The following THRB variants were observed in gnomAD, a reference collection of about 807,000 sequenced individuals.
THRB encodes the protein thyroid hormone receptor beta.
A neutral mutation model predicts 47.8 loss-of-function variants in THRB; 12 were observed. The observed-to-expected ratio is 0.25, with a 90% CI of 0.16 to 0.41. The LOEUF is 0.41. Ranked by LOEUF, THRB falls within the 10% of genes least tolerant of loss-of-function variation. THRB has a pLI of 1.00. For missense variants in THRB, 348 were observed against 589.2 expected (o/e 0.59, Z 4.24); for synonymous variants, 218 against 212.2 (o/e 1.03, Z -0.24).
In THRB at chr3:24,122,283, G is replaced by A. The variant is rs1216280844; in HGVS notation, c.*601C>T. 4 of 158,878 alleles carry A rather than the reference G, an allele frequency of 2.5e-5. No homozygotes were observed. The highest frequency in any genetic ancestry group is 5.6e-5 in the Non-Finnish European group (4 of 71,478). 9.8% of individuals were successfully genotyped at this position (158,878 alleles called of 1,614,324 possible). ...TGTATAACTTGAATTAAACCATAAC[G>A]TTATAAAAATGATATTGGAAGGGCA... is the stretch of plus-strand genomic sequence containing the variant. On this transcript the variant is annotated 3_prime_UTR_variant, in exon 11 of 11. Coordinates refer to ENST00000646209, the MANE Select transcript of THRB (RefSeq NM_001354712.2).
At chr3:24,257,828 G>A (rs2051463245) in intron 3 of THRB, among the ~76,000 whole-genome samples, 1 of 152,250 alleles carries the variant, frequency 6.6e-6, no homozygotes, top group Admixed American at 6.5e-5. Context: ...TGCAGTCACT[G>A]TGAGGCCTTG....
intron 1 of THRB, among the ~76,000 whole-genome samples, chr3:24,440,552 T>G (rs2071427989): frequency 6.6e-6 from 1 of 152,210 alleles, no homozygotes. Flanking sequence ...TGTAGTCACA[T>G]GCATTTATTA....
chr3:24,206,078 A>G (rs59471050), intron 4 of THRB, among the ~76,000 whole-genome samples: 4,662 of 152,296 alleles, frequency 0.031, 218 homozygotes, highest in African/African-American at 0.1. Flanking sequence ...CACCGTCAAC[A>G]TTAGACAGAT....
chr3:24,312,420 T>G (rs1467347477), intron 2 of THRB, among the ~76,000 whole-genome samples: 1 of 152,186 alleles, frequency 6.6e-6, no homozygotes, highest in Middle Eastern at 3.2e-3. Context: ...AGGTGGGAAT[T>G]TATGAAGTAT....
At chr3:24,423,432 T>G (rs1360531588) in intron 1 of THRB, among the ~76,000 whole-genome samples, 2 of 151,796 alleles carry the variant, frequency 1.3e-5, no homozygotes, top group Non-Finnish European at 2.9e-5. Context: ...TTTTTTTTTT[T>G]TAAAGTGGAA....
intron 2 of THRB, among the ~76,000 whole-genome samples, chr3:24,301,422 T>C (rs1343987538): frequency 6.6e-6 from 1 of 152,238 alleles, no homozygotes; most frequent in African/African-American, 2.4e-5. Context: ...TTTCCCCATT[T>C]TCCCTACTGA....
At chr3:24,447,594 C>A (rs569410398) in intron 1 of THRB, among the ~76,000 whole-genome samples, 2 of 152,202 alleles carry the variant, frequency 1.3e-5, no homozygotes, top group South Asian at 2.1e-4. Context: ...TCAGGGGCAC[C>A]ATGACCCTCT....
chr3:24,365,192 T>C (rs1345662865), intron 1 of THRB, among the ~76,000 whole-genome samples: 1 of 152,182 alleles, frequency 6.6e-6, no homozygotes, highest in Admixed American at 6.6e-5. Context: ...TCACCAACAG[T>C]TACTTGAAAG....
chr3:24,165,197 T>C (rs769591086), intron 5 of THRB: 43 of 765,000 alleles, frequency 5.6e-5, no homozygotes, highest in Admixed American at 6.8e-5. Context: ...TGCCCAGGCC[T>C]GTTCCATATA....
intron 2 of THRB, among the ~76,000 whole-genome samples, chr3:24,330,505 T>C (rs940503406): frequency 6.6e-6 from 1 of 152,148 alleles, no homozygotes; most frequent in Admixed American, 6.5e-5. Flanking sequence ...CTAAAAGAAA[T>C]AAAACAGCAA....
intron 3 of THRB, among the ~76,000 whole-genome samples, chr3:24,244,978 A>G (rs909663038): frequency 1.1e-4 from 16 of 152,172 alleles, no homozygotes; most frequent in South Asian, 4.1e-4. Flanking sequence ...AAATCTTGAC[A>G]TATGCCCATC....
intron 2 of THRB, among the ~76,000 whole-genome samples, chr3:24,305,963 T>A (rs574328797): frequency 6.6e-6 from 1 of 152,176 alleles, no homozygotes; most frequent in Non-Finnish European, 1.5e-5. Context: ...CCTCCCCCAA[T>A]GGGCTTCTAA....
intron 1 of THRB, among the ~76,000 whole-genome samples, chr3:24,426,694 A>G (rs2069800870): frequency 6.6e-6 from 1 of 151,950 alleles, no homozygotes; most frequent in Non-Finnish European, 1.5e-5. Flanking sequence ...TCTCTGATTC[A>G]TGCTCTGTAC....
chr3:24,401,600 C>T (rs1018307739), intron 1 of THRB, among the ~76,000 whole-genome samples: 3 of 152,022 alleles, frequency 2.0e-5, no homozygotes, highest in Non-Finnish European at 4.4e-5. Context: ...TGCCTAGCCT[C>T]CTAATGAGGA....
At position 24,352,040 on chromosome 3, in the gene THRB, T is replaced by C. The variant is rs114077898; in HGVS notation, c.-260-14669A>G. Among the ~76,000 whole-genome samples the C allele has an allele frequency of 2.3e-3, 348 of 152,292 alleles. 4 individuals carry two copies. Among genetic ancestry groups the C allele is most frequent in the African/African-American group, 8.2e-3 (340 of 41,580 alleles). On this transcript the variant is annotated intron_variant, in intron 1 of 10. Coordinates refer to ENST00000646209, the MANE Select transcript of THRB (RefSeq NM_001354712.2). ...TGAGCATCTATGTGTATCACTGTGATAAAGAAGCTCATGGTCTTGAGTTTC... is the reference window on the plus strand; with the variant it reads ...TGAGCATCTATGTGTATCACTGTGACAAAGAAGCTCATGGTCTTGAGTTTC...
intron 1 of THRB, among the ~76,000 whole-genome samples, chr3:24,440,862 C>A (rs1340051525): frequency 1.3e-5 from 2 of 152,144 alleles, no homozygotes; most frequent in Non-Finnish European, 2.9e-5. Context: ...TTATCTATTG[C>A]TGCATGACAA....
chr3:24,380,506 T>A (rs543295365), intron 1 of THRB, among the ~76,000 whole-genome samples: 1 of 152,170 alleles, frequency 6.6e-6, no homozygotes, highest in South Asian at 2.1e-4. Context: ...AGAATTCCTA[T>A]CCCTTTCAAG....
chr3:24,261,253 A>C (rs984931837), intron 3 of THRB, among the ~76,000 whole-genome samples: 1 of 133,636 alleles, frequency 7.5e-6, no homozygotes, highest in Non-Finnish European at 1.6e-5. Flanking sequence ...CTGTAATCTC[A>C]GTACTTTGGG....
chr3:24,269,447 G>A lies in THRB; in HGVS notation c.-43+27779C>T, dbSNP rs149537923. 1.5e-3 allele frequency among the ~76,000 whole-genome samples: 216 copies of A among 142,028 alleles called. 2 individuals carry two copies. The highest frequency in any genetic ancestry group is 6.0e-3 in the African/African-American group (214 of 35,496). The allele number at this position is 142,028 out of a possible 152,430, so 93.2% of individuals were successfully genotyped here. A position where few individuals can be genotyped will look rare whatever the true frequency, so the allele number is the denominator to read the frequency against. ...CACACACACACACACACACACTTAA[G>A]TTATCTTCGCTGTGTTGTCCAGGCT... On this transcript the variant is annotated intron_variant, in intron 3 of 10. Transcript: ENST00000646209.
Sources: gnomAD v4.1 joint callset for allele counts (sites outside exome capture counted in the v4.1 genomes callset) on GRCh38, gnomAD v4.1.1 for gene constraint, MANE v1.5 for transcripts, NCBI Gene and HGNC (gene_info 2026-07-23, HGNC 2026-07-21) for gene names.